The following MGAT5B variants were observed in gnomAD, a reference collection of about 807,000 sequenced individuals.
The protein encoded by MGAT5B is alpha-1,6-mannosylglycoprotein 6-beta-N-acetylglucosaminyltransferase B.
MGAT5B carries 54 observed loss-of-function variants against 95.1 expected under a neutral mutation model. That is an observed-to-expected ratio of 0.57 (90% CI 0.46 to 0.71). The LOEUF is 0.71. MGAT5B is among the 30% of genes least tolerant of loss of function. The pLI, the probability that MGAT5B is intolerant of heterozygous loss-of-function variation, is 0.00. For missense variants in MGAT5B, 935 were observed against 1,088.6 expected (o/e 0.86, Z 1.99); for synonymous variants, 464 against 451.0 (o/e 1.03, Z -0.36).
chr17:76,876,650 G>T (rs1387104486), intron 2 of MGAT5B, among the ~76,000 whole-genome samples: 2 of 152,146 alleles, frequency 1.3e-5, no homozygotes, highest in Non-Finnish European at 2.9e-5. Context: ...GTGGACTGTG[G>T]TCTATGTGTG....
chr17:76,905,200 T>A lies in MGAT5B; in HGVS notation c.722T>A (p.Leu241Gln). ...AVFRSNLSHL[L>Q]DLMGSGKESL... is the part of the protein sequence containing the mutation. ...TTCCGAAGCAACCTGTCCCACCTTC[T>A]GGACCTGATGGGCAGCGGGAAGGAG... is the stretch of plus-strand genomic sequence containing the variant. The change falls in exon 7 of 18, where the codon CTG becomes CAG. Residue 241 changes from leucine to glutamine, a missense_variant. Coordinates refer to ENST00000569840, the MANE Select transcript of MGAT5B (RefSeq NM_001199172.2). This position sits in a 1 kb window ranked among gnomAD's most constrained non-coding sequence, Gnocchi z 4.2. 6.2e-7 allele frequency: 1 copy of A among 1,613,478 alleles called. No individual in the cohort carries two copies. The highest frequency in any genetic ancestry group is 8.5e-7 in the Non-Finnish European group (1 of 1,179,522).
intron 3 of MGAT5B, among the ~76,000 whole-genome samples, chr17:76,899,698 G>C (rs1041846802): frequency 6.6e-6 from 1 of 152,050 alleles, no homozygotes; most frequent in Non-Finnish European, 1.5e-5. Context: ...TGTCAAAGGA[G>C]TGTCCATCTT....
intron 16 of MGAT5B, 33 bp from the exon 17 acceptor site, chr17:76,947,797 T>G: frequency 6.6e-7 from 1 of 1,509,066 alleles, no homozygotes; most frequent in Non-Finnish European, 8.9e-7. Flanking sequence ...TGGGTCGCAC[T>G]TCCCCACCCT....
In MGAT5B at chr17:76,914,644, C is replaced by CTTTTTTTTTTTTT. The variant is rs55850824; in HGVS notation, c.1025+8458_1025+8470dup. 6.8e-6 allele frequency among the ~76,000 whole-genome samples: 1 copy of CTTTTTTTTTTTTT among 146,224 alleles called. No homozygotes were observed. The highest frequency in any genetic ancestry group is 1.5e-5 in the Non-Finnish European group (1 of 66,606). ...CTCTGTGTCCACATTTCTTCTTCCT[C>CTTTTTTTTTTTTT]TTTTTTTTTTTTTGAGACAGAGTCT... is the stretch of plus-strand genomic sequence containing the variant. On this transcript the variant is annotated intron_variant, in intron 8 of 17. Coordinates refer to ENST00000569840, the MANE Select transcript of MGAT5B (RefSeq NM_001199172.2). This position sits in a 1 kb window ranked among gnomAD's most constrained non-coding sequence, Gnocchi z 5.1.
rs144560862 is a variant in MGAT5B at position 76,925,032 on chromosome 17, C to T, written c.1092C>T (p.Ile364=). 1.1e-4 allele frequency: 172 copies of T among 1,611,728 alleles called. No homozygotes were observed. The highest frequency in any genetic ancestry group is 3.3e-4 in the Middle Eastern group (2 of 6,054). The change falls in exon 9 of 18, where the codon ATC becomes ATT. Residue 364 remains isoleucine (I), a synonymous_variant. Coordinates refer to ENST00000569840, the MANE Select transcript of MGAT5B (RefSeq NM_001199172.2). ...PLTMPLPFDL[I]YTDYHGLQQM... ...CCATGCCCCTGCCCTTCGACCTCAT[C>T]TACACCGACTACCACGGCCTGCAGC... is the stretch of plus-strand genomic sequence containing the variant.
At position 76,870,117 on chromosome 17, in the gene MGAT5B, A is replaced by T. The variant is rs539549735; in HGVS notation, c.68+1020A>T. Among the ~76,000 whole-genome samples the T allele has an allele frequency of 3.7e-4, 56 of 152,250 alleles. No individual in the cohort carries two copies. The highest frequency in any genetic ancestry group is 3.5e-3 in the Admixed American group (54 of 15,296). ...AGGAGCCCGAGAAGGCGGAGCTTGC[A>T]GGGGCCCTGAACTCTTGCCCTCCAG... On this transcript the variant is annotated intron_variant, in intron 1 of 17. Coordinates refer to ENST00000569840, the MANE Select transcript of MGAT5B (RefSeq NM_001199172.2). The surrounding 1 kb of genome is among the most constrained non-coding windows in gnomAD (Gnocchi z 5.0).
chr17:76,911,260 C>T (rs917602922), intron 8 of MGAT5B, among the ~76,000 whole-genome samples: 3 of 152,242 alleles, frequency 2.0e-5, no homozygotes. Flanking sequence ...CAGCCCAGTA[C>T]ACAGTCTGGC....
intron 8 of MGAT5B, among the ~76,000 whole-genome samples, chr17:76,908,788 G>A (rs943192430): frequency 1.3e-5 from 2 of 150,384 alleles, no homozygotes; most frequent in Non-Finnish European, 3.0e-5. Context: ...TTGTTGTTAA[G>A]TATAGTCTCC....
At position 76,946,367 on chromosome 17, in the gene MGAT5B, C is replaced by A. The variant is rs777375263; in HGVS notation, c.1849-9C>A. The A allele has an allele frequency of 1.2e-6, 2 of 1,605,134 alleles. No homozygotes were observed. Among genetic ancestry groups the A allele is most frequent in the South Asian group, 2.2e-5 (2 of 90,016 alleles). ...TCCCGCCCCATGTGTCTGCCCATCC[C>A]TCCCACAGGTAGACCCCTACCTACC... On this transcript the variant is annotated splice_polypyrimidine_tract_variant and intron_variant, in intron 15 of 17. Transcript: ENST00000569840.
At chr17:76,904,228 T>G (rs1220865399) in intron 5 of MGAT5B, 24 bp from the exon 6 acceptor site, 3 of 1,589,392 alleles carry the variant, frequency 1.9e-6, no homozygotes, top group Non-Finnish European at 2.6e-6. Context: ...CGCAGCCCCC[T>G]GCCCAGCCTG....
rs1187070399 is a variant in MGAT5B at position 76,873,634 on chromosome 17, G to T, written c.181+671G>T. On this transcript the variant is annotated intron_variant, in intron 2 of 17. Transcript: ENST00000569840. ...TTACCCAGCATGGTTGGTGCCACAT[G>T]GCACAAGAGTGACCAGCTGGGAGCC... 2.6e-5 allele frequency among the ~76,000 whole-genome samples: 4 copies of T among 152,068 alleles called. No homozygotes were observed. In the East Asian group the frequency reaches 7.7e-4, roughly 29 times the overall value.
chr17:76,890,520 T>C (rs1381345443), intron 3 of MGAT5B, among the ~76,000 whole-genome samples: 1 of 152,216 alleles, frequency 6.6e-6, no homozygotes, highest in African/African-American at 2.4e-5. Flanking sequence ...CTTTCTTTTT[T>C]TGAGACAGGG....
rs1969003059 is a variant in MGAT5B, at chr17:76,918,153, G to T, written c.1026-6813G>T. Among the ~76,000 whole-genome samples, 1 of 151,712 alleles carries T rather than the reference G, an allele frequency of 6.6e-6. No individual in the cohort carries two copies. Among genetic ancestry groups the T allele is most frequent in the Non-Finnish European group, 1.5e-5 (1 of 67,984 alleles). On this transcript the variant is annotated intron_variant, in intron 8 of 17. Transcript: ENST00000569840. The surrounding 1 kb of genome is among the most constrained non-coding windows in gnomAD (Gnocchi z 5.1). Reference sequence around the variant, plus strand: ...TTTGGGTCTGCAGTGTTGAGGATACGCTGCTCCCTCAGTTTCCCTTTCGGA... The same window carrying T: ...TTTGGGTCTGCAGTGTTGAGGATACTCTGCTCCCTCAGTTTCCCTTTCGGA...
In MGAT5B at chr17:76,872,754, A is replaced by G. The variant is rs732186; in HGVS notation, c.69-97A>G. ...TCTCCCTTGCTTCCTTCACTCATGC[A>G]CTCATTCGTAAAACATTTGTGCAGC... On this transcript the variant is annotated intron_variant, in intron 1 of 17. Transcript: ENST00000569840. The G allele has an allele frequency of 1.6e-3, 2,523 of 1,604,396 alleles. 51 individuals carry two copies. The East Asian group carries it at 0.043, about 28-fold the overall frequency.
At chr17:76,900,030 C>T (rs1276812396) in intron 3 of MGAT5B, among the ~76,000 whole-genome samples, 1 of 152,194 alleles carries the variant, frequency 6.6e-6, no homozygotes, top group East Asian at 1.9e-4. Flanking sequence ...GCTGGCCACG[C>T]ACTTTACAGC....
In MGAT5B at chr17:76,925,001, C is replaced by A. The variant is rs1440355261; in HGVS notation, c.1061C>A (p.Pro354Gln). ...GTACCGCCAGGCCGGGGAAGCTGCCCGCTCACCATGCCCCTGCCCTTCGAC... is the reference window on the plus strand; with the variant it reads ...GTACCGCCAGGCCGGGGAAGCTGCCAGCTCACCATGCCCCTGCCCTTCGAC... ...LGVPPGRGSC[P>Q]LTMPLPFDLI... Residue 354 changes from proline (P) to glutamine (Q), a missense_variant, in exon 9 of 18, where the codon CCG becomes CAG. Coordinates refer to ENST00000569840, the MANE Select transcript of MGAT5B (RefSeq NM_001199172.2). 2.5e-6 allele frequency: 4 copies of A among 1,611,894 alleles called. No individual in the cohort carries two copies. The highest frequency in any genetic ancestry group is 3.4e-6 in the Non-Finnish European group (4 of 1,179,468).
chr17:76,881,186 G>A (rs1490327799), intron 2 of MGAT5B, among the ~76,000 whole-genome samples: 4 of 152,190 alleles, frequency 2.6e-5, no homozygotes, highest in South Asian at 2.1e-4. Flanking sequence ...CACGTGCAGC[G>A]CTAATGATCG....
At position 76,903,393 on chromosome 17, in the gene MGAT5B, AG is replaced by A; in HGVS notation, c.519+21del. The stretch of plus-strand genomic sequence containing the variant: ...AAGGTGGAGGTGAGGCCTGGGGCTG[AG>A]GGGTGGGGATGTCTACAGCTAGGGC... On this transcript the variant is annotated intron_variant, in intron 5 of 17. Transcript: ENST00000569840. The A allele has an allele frequency of 6.2e-7, 1 of 1,601,268 alleles. No individual in the cohort carries two copies. The highest frequency in any genetic ancestry group is 8.5e-7 in the Non-Finnish European group (1 of 1,172,600).
intron 3 of MGAT5B, among the ~76,000 whole-genome samples, chr17:76,888,298 G>T (rs1340941041): frequency 1.3e-5 from 2 of 152,024 alleles, no homozygotes; most frequent in African/African-American, 4.8e-5. Flanking sequence ...ATGCTGGGGT[G>T]GGGGCTCCAT....
Sources: gnomAD v4.1 joint callset for allele counts (sites outside exome capture counted in the v4.1 genomes callset) on GRCh38, gnomAD v4.1.1 for gene constraint, Gnocchi (gnomAD v3.1) non-coding constraint, MANE v1.5 for transcripts, NCBI Gene and HGNC (gene_info 2026-07-23, HGNC 2026-07-21) for gene names.